Variants in KCNH5 observed in about 807,000 individuals in gnomAD.
KCNH5 encodes the protein potassium voltage-gated channel subfamily H member 5, also known as voltage-gated delayed rectifier potassium channel KCNH5.
Under a neutral mutation model 96.1 loss-of-function variants are expected in KCNH5, and 46 were observed. That is an observed-to-expected ratio of 0.48 (90% CI 0.38 to 0.61). The LOEUF (loss-of-function observed/expected upper bound fraction) is 0.61. Ranked by LOEUF, KCNH5 falls within the 20% of genes least tolerant of loss-of-function variation. KCNH5 has a pLI of 0.00. For synonymous variants in KCNH5, 439 were observed against 449.8 expected, an observed-to-expected ratio of 0.98 and a Z score of 0.30; for missense variants, 907 against 1,225.8, an observed-to-expected ratio of 0.74 and a Z score of 3.88.
intron 6 of KCNH5, among the ~76,000 whole-genome samples, chr14:62,962,716 T>C (rs1340055484): frequency 2.6e-5 from 4 of 152,138 alleles, no homozygotes; most frequent in Admixed American, 2.0e-4. Flanking sequence ...CAGACAATAA[T>C]GGACAGAATT....
chr14:62,798,431 C>G (rs1886583575), intron 9 of KCNH5, among the ~76,000 whole-genome samples: 1 of 152,022 alleles, frequency 6.6e-6, no homozygotes, highest in Admixed American at 6.6e-5. Context: ...TCAGCCATAC[C>G]AACAAATCTG....
chr14:62,922,542 A>G (rs1889399054), intron 7 of KCNH5, among the ~76,000 whole-genome samples: 1 of 151,970 alleles, frequency 6.6e-6, no homozygotes, highest in South Asian at 2.1e-4. Context: ...AGATGCAAAA[A>G]CCATCAACAA....
Position 62,732,294 on chromosome 14 carries a change from C to T in KCNH5, c.2020-23839G>A, listed in dbSNP as rs143622356. The stretch of plus-strand genomic sequence containing the variant: ...CCGTGCTTCTTTTTCTCTTTCCTTT[C>T]CCTTGGAGGAAATAAAATTTTCTTC... On this transcript the variant is annotated intron_variant, in intron 10 of 10. Coordinates refer to ENST00000322893, the MANE Select transcript of KCNH5 (RefSeq NM_139318.5). Among the ~76,000 whole-genome samples the T allele has an allele frequency of 4.0e-3, 610 of 152,266 alleles. 2 individuals are homozygous for T. The highest frequency in any genetic ancestry group is 7.0e-3 in the Non-Finnish European group (476 of 68,012).
At chr14:63,031,210 T>C (rs1273764766) in intron 1 of KCNH5, among the ~76,000 whole-genome samples, 1 of 152,166 alleles carries the variant, frequency 6.6e-6, no homozygotes, top group Non-Finnish European at 1.5e-5. Flanking sequence ...ACTATATTTC[T>C]GAACTGCTAA....
At chr14:62,784,125 A>G (rs145545540) in intron 9 of KCNH5, among the ~76,000 whole-genome samples, 1,867 of 152,334 alleles carry the variant, frequency 0.012, 36 homozygotes, top group African/African-American at 0.042. Context: ...GGGAGGCCTC[A>G]CAATCATGGC....
At chr14:62,975,415 T>A (rs1196838651) in intron 6 of KCNH5, among the ~76,000 whole-genome samples, 1 of 151,938 alleles carries the variant, frequency 6.6e-6, no homozygotes, top group Non-Finnish European at 1.5e-5. Flanking sequence ...CATAAAATAG[T>A]ATGAATGAAG....
chr14:62,801,391 A>G (rs1184508956), intron 9 of KCNH5, among the ~76,000 whole-genome samples: 2 of 151,298 alleles, frequency 1.3e-5, no homozygotes, highest in African/African-American at 4.8e-5. Flanking sequence ...AAAAAAAAAA[A>G]AGAAATGATT....
intron 4 of KCNH5, among the ~76,000 whole-genome samples, chr14:62,990,535 G>T (rs1890790180): frequency 6.6e-6 from 1 of 151,854 alleles, no homozygotes; most frequent in Admixed American, 6.6e-5. Flanking sequence ...ATAAAAATAG[G>T]ACTATCATTG....
Position 62,853,360 on chromosome 14 carries a change from A to G in KCNH5, c.1370-3508T>C, listed in dbSNP as rs78272647. On this transcript the variant is annotated intron_variant, in intron 7 of 10. Transcript: ENST00000322893. ...TGCGCTAAATGAGATAACGCATATA[A>G]AAAAGTATAAAAAAAGAGTCTAGTA... Among the ~76,000 whole-genome samples the G allele has an allele frequency of 7.1e-3, 1,071 of 150,252 alleles. 30 individuals are homozygous for G. In the East Asian group the frequency reaches 0.089, roughly 12 times the overall value.
chr14:62,872,510 G>T (rs1888276875), intron 7 of KCNH5, among the ~76,000 whole-genome samples: 1 of 152,022 alleles, frequency 6.6e-6, no homozygotes, highest in Non-Finnish European at 1.5e-5. Flanking sequence ...CTAACACAAT[G>T]AAACCTCATC....
chr14:62,876,242 T>C (rs577561878), intron 7 of KCNH5, among the ~76,000 whole-genome samples: 1 of 152,308 alleles, frequency 6.6e-6, no homozygotes, highest in South Asian at 2.1e-4. Flanking sequence ...GAGAAACTAA[T>C]AGTTGATAAC....
chr14:62,778,373 G>A (rs563883223), intron 10 of KCNH5, among the ~76,000 whole-genome samples: 16 of 152,168 alleles, frequency 1.1e-4, no homozygotes, highest in African/African-American at 1.4e-4. Flanking sequence ...GTGGACCCTC[G>A]TGGTTCAAAC....
At chr14:62,740,250 T>A (rs922753396) in intron 10 of KCNH5, among the ~76,000 whole-genome samples, 6 of 152,162 alleles carry the variant, frequency 3.9e-5, no homozygotes, top group African/African-American at 1.4e-4. Context: ...GAGGGTATAT[T>A]TGATTATAGA....
At chr14:63,032,515 A>G (rs1297754490) in intron 1 of KCNH5, among the ~76,000 whole-genome samples, 6 of 152,202 alleles carry the variant, frequency 3.9e-5, no homozygotes, top group Non-Finnish European at 8.8e-5. Flanking sequence ...TGTAGCAATC[A>G]CTAACTTTTT....
intron 7 of KCNH5, among the ~76,000 whole-genome samples, chr14:62,894,065 T>A (rs893740338): frequency 4.1e-4 from 62 of 152,298 alleles, no homozygotes; most frequent in African/African-American, 1.5e-3. Flanking sequence ...CAAGAAAGCA[T>A]TTTAAATTAA....
intron 7 of KCNH5, among the ~76,000 whole-genome samples, chr14:62,901,305 G>A (rs932188445): frequency 3.3e-5 from 5 of 151,938 alleles, no homozygotes; most frequent in African/African-American, 1.2e-4. Context: ...ATACTGAGGT[G>A]TAGGGTGTGA....
At chr14:62,869,634 T>A (rs776555032) in intron 7 of KCNH5, among the ~76,000 whole-genome samples, 1 of 152,098 alleles carries the variant, frequency 6.6e-6, no homozygotes, top group Non-Finnish European at 1.5e-5. Flanking sequence ...ATTGCCTAGG[T>A]TTTCTTCTAG....
chr14:62,931,402 C>A (rs1291337952), intron 7 of KCNH5, among the ~76,000 whole-genome samples: 1 of 152,028 alleles, frequency 6.6e-6, no homozygotes, highest in Non-Finnish European at 1.5e-5. Flanking sequence ...AGAGACTCAG[C>A]CAGAGATAGA....
At chr14:62,935,028 C>A (rs986809746) in intron 7 of KCNH5, among the ~76,000 whole-genome samples, 2 of 152,146 alleles carry the variant, frequency 1.3e-5, no homozygotes, top group Non-Finnish European at 2.9e-5. Context: ...GTGGCCAGTA[C>A]AGCCATAGCA....
Sources: allele counts gnomAD v4.1 joint callset (sites outside exome capture counted in the v4.1 genomes callset), GRCh38; gene constraint gnomAD v4.1.1; transcripts MANE v1.5; gene names NCBI Gene and HGNC (gene_info 2026-07-23, HGNC 2026-07-21).